ZDHHC14: variants seen among roughly 807,000 people sequenced by gnomAD.
ZDHHC14 encodes zDHHC palmitoyltransferase 14, also known as palmitoyltransferase ZDHHC14.
ZDHHC14 carries 16 observed loss-of-function variants against 47.7 expected under a neutral mutation model. The ratio of observed to expected loss-of-function variants is 0.34; its 90% CI spans 0.23 to 0.51. The LOEUF is 0.51. Among genes scored for constraint, ZDHHC14 ranks in the 20% least tolerant of loss-of-function variants. ZDHHC14 has a pLI of 0.97. For synonymous variants in ZDHHC14, 293 were observed against 278.9 expected (o/e 1.05, Z -0.50); for missense variants, 515 against 662.5 (o/e 0.78, Z 2.44).
chr6:157,492,437 G>A (rs374250179), intron 1 of ZDHHC14, among the ~76,000 whole-genome samples: 4 of 151,052 alleles, frequency 2.6e-5, no homozygotes, highest in East Asian at 1.9e-4. Flanking sequence ...CCGGCAAAGC[G>A]GGAAAGCGGG....
intron 5 of ZDHHC14, 144 bp downstream of exon 5, chr6:157,633,026 CGAGT>C: frequency 1.2e-6 from 1 of 845,056 alleles, no homozygotes; most frequent in Non-Finnish European, 2.0e-6. Flanking sequence ...TTCACTGGCA[CGAGT>C]AGTAGCTTCT....
At chr6:157,567,512 T>G (rs942384635) in intron 2 of ZDHHC14, among the ~76,000 whole-genome samples, 2 of 152,160 alleles carry the variant, frequency 1.3e-5, no homozygotes, top group Admixed American at 6.5e-5. Flanking sequence ...AGATCACAAC[T>G]TTGGTACATA....
intron 2 of ZDHHC14, among the ~76,000 whole-genome samples, chr6:157,590,326 TCACAGGCCC>T (rs1783860179): frequency 6.6e-6 from 1 of 152,168 alleles, no homozygotes; most frequent in Non-Finnish European, 1.5e-5. Context: ...GCCCCTCCCA[TCACAGGCCC>T]AGAGGTCTAG....
intron 3 of ZDHHC14, among the ~76,000 whole-genome samples, chr6:157,621,940 G>A (rs1207537987): frequency 6.6e-6 from 1 of 152,140 alleles, no homozygotes; most frequent in Non-Finnish European, 1.5e-5. Flanking sequence ...GATGGGGCCA[G>A]TGTCCTAACC....
At chr6:157,614,275 A>T (rs1784870442) in intron 3 of ZDHHC14, among the ~76,000 whole-genome samples, 1 of 152,046 alleles carries the variant, frequency 6.6e-6, no homozygotes, top group South Asian at 2.1e-4. Context: ...CTTCACTCAC[A>T]GCTGCTCACA....
At position 157,462,714 on chromosome 6, in the gene ZDHHC14, C is replaced by T. The variant is rs977479281; in HGVS notation, c.246-79871C>T. 3.3e-5 allele frequency among the ~76,000 whole-genome samples: 5 copies of T among 152,228 alleles called. No individual in the cohort carries two copies. In the South Asian group the frequency reaches 8.3e-4, roughly 25 times the overall value. ...TCCCTTAGCTGTCTGCTCCTTAAAT[C>T]GGCTCCTCACAAAGTGGGAAAAGAA... On this transcript the variant is annotated intron_variant, in intron 1 of 8. Coordinates refer to ENST00000359775, the MANE Select transcript of ZDHHC14 (RefSeq NM_024630.3).
chr6:157,587,075 A>G (rs1783725059), intron 2 of ZDHHC14, among the ~76,000 whole-genome samples: 1 of 152,254 alleles, frequency 6.6e-6, no homozygotes, highest in African/African-American at 2.4e-5. Context: ...ATTTTAAAAT[A>G]TTCACCTTCA....
chr6:157,540,908 G>GTATATATATATATATATATA (rs1200618040), intron 1 of ZDHHC14, among the ~76,000 whole-genome samples: 12 of 131,514 alleles, frequency 9.1e-5, no homozygotes, highest in African/African-American at 4.6e-4. Context: ...GTGTGTGTGT[G>GTATATATATATATATATATA]TGTATATATA....
intron 1 of ZDHHC14, among the ~76,000 whole-genome samples, chr6:157,465,529 T>G (rs1463299698): frequency 6.6e-6 from 1 of 151,772 alleles, no homozygotes; most frequent in Non-Finnish European, 1.5e-5. Flanking sequence ...TGACTTAGAG[T>G]CTTCTTTCCT....
intron 1 of ZDHHC14, among the ~76,000 whole-genome samples, chr6:157,433,960 G>A (rs530356686): frequency 1.4e-4 from 21 of 152,046 alleles, no homozygotes; most frequent in Non-Finnish European, 2.6e-4. Flanking sequence ...CTTTTTTCCT[G>A]GTAATTGTAC....
At chr6:157,423,553 A>G (rs567344743) in intron 1 of ZDHHC14, among the ~76,000 whole-genome samples, 4 of 152,098 alleles carry the variant, frequency 2.6e-5, no homozygotes, top group Non-Finnish European at 5.9e-5. Context: ...GCATTGCGGG[A>G]TTTTCCAGGT....
intron 8 of ZDHHC14, among the ~76,000 whole-genome samples, chr6:157,669,297 T>G (rs1313878672): frequency 3.5e-5 from 5 of 143,308 alleles, no homozygotes; most frequent in African/African-American, 5.3e-5. Context: ...GCTGATGGAG[T>G]AGTGCAAAGT....
At chr6:157,424,427 G>A (rs143268742) in intron 1 of ZDHHC14, among the ~76,000 whole-genome samples, 27 of 152,248 alleles carry the variant, frequency 1.8e-4, no homozygotes, top group African/African-American at 6.5e-4. Context: ...CTATTTTTTG[G>A]TGGTGCGATT....
intron 1 of ZDHHC14, among the ~76,000 whole-genome samples, chr6:157,403,693 AT>A (rs1362789539): frequency 6.6e-6 from 1 of 152,242 alleles, no homozygotes; most frequent in Non-Finnish European, 1.5e-5. Context: ...AAGAAGGCTG[AT>A]TTCTGTAGAG....
intron 1 of ZDHHC14, among the ~76,000 whole-genome samples, chr6:157,384,112 C>A (rs1777267404): frequency 6.6e-6 from 1 of 152,102 alleles, no homozygotes; most frequent in East Asian, 1.9e-4. Flanking sequence ...TTGAACAGAT[C>A]CAAATTGGCA....
chr6:157,559,144 C>CT (rs1352892514), intron 2 of ZDHHC14, among the ~76,000 whole-genome samples: 1 of 152,200 alleles, frequency 6.6e-6, no homozygotes, highest in Non-Finnish European at 1.5e-5. Flanking sequence ...TATTTGCACA[C>CT]TTTGACAATT....
chr6:157,611,289 C>A (rs1018728698), intron 3 of ZDHHC14, among the ~76,000 whole-genome samples: 8 of 152,106 alleles, frequency 5.3e-5, no homozygotes, highest in African/African-American at 1.7e-4. Context: ...CATGAGCCCC[C>A]GCGCCTGGCC....
At chr6:157,534,981 A>T (rs1023292125) in intron 1 of ZDHHC14, among the ~76,000 whole-genome samples, 5 of 152,236 alleles carry the variant, frequency 3.3e-5, no homozygotes, top group Admixed American at 6.5e-5. Context: ...ATAGTAGATG[A>T]GTAAATTGGG....
At chr6:157,592,304 C>G (rs1462370230) in intron 2 of ZDHHC14, among the ~76,000 whole-genome samples, 3 of 151,986 alleles carry the variant, frequency 2.0e-5, no homozygotes, top group Admixed American at 6.6e-5. Context: ...ATTAAAGGTG[C>G]TATTGAGATG....
Sources: allele counts gnomAD v4.1 joint callset (sites outside exome capture counted in the v4.1 genomes callset), GRCh38; gene constraint gnomAD v4.1.1; transcripts MANE v1.5; gene names NCBI Gene and HGNC (gene_info 2026-07-23, HGNC 2026-07-21).